RALYL: variants seen among roughly 807,000 people sequenced by gnomAD.
The protein encoded by RALYL is RNA-binding Raly-like protein.
RALYL carries 29 observed loss-of-function variants against 35.1 expected under a neutral mutation model. The ratio of observed to expected loss-of-function variants is 0.83; its 90% confidence interval spans 0.61 to 1.13. The LOEUF is 1.13. RALYL is among the 50% of genes most tolerant of loss of function. The probability of loss-of-function intolerance (pLI) is 0.00; values close to 1 mark genes in which losing one functional copy is unlikely to be tolerated. For missense variants in RALYL, 359 were observed against 360.4 expected, an observed-to-expected ratio of 1.00 and a Z score of 0.03; for synonymous variants, 120 against 127.6, an observed-to-expected ratio of 0.94 and a Z score of 0.40.
At chr8:84,665,115 T>C (rs1431227908) in intron 2 of RALYL, among the ~76,000 whole-genome samples, 1 of 152,186 alleles carries the variant, frequency 6.6e-6, no homozygotes, top group Non-Finnish European at 1.5e-5. Flanking sequence ...CCTGTTTATG[T>C]GATGAGTCAC....
At chr8:84,649,688 G>T (rs541425426) in intron 2 of RALYL, among the ~76,000 whole-genome samples, 2 of 152,220 alleles carry the variant, frequency 1.3e-5, no homozygotes, top group African/African-American at 4.8e-5. Flanking sequence ...CTGTAGCCTT[G>T]TAGTATAGTT....
chr8:84,409,089 T>A (rs1410956944), intron 1 of RALYL, among the ~76,000 whole-genome samples: 2 of 152,022 alleles, frequency 1.3e-5, no homozygotes, highest in Admixed American at 1.3e-4. Context: ...CCCAAGTGGG[T>A]AAATGACTAA....
intron 1 of RALYL, among the ~76,000 whole-genome samples, chr8:84,298,381 C>G (rs536852320): frequency 2.6e-4 from 40 of 152,056 alleles, no homozygotes; most frequent in African/African-American, 9.4e-4. Context: ...CTATTCGGTT[C>G]CATTGTCTAT....
At chr8:84,380,307 A>G (rs143290548) in intron 1 of RALYL, among the ~76,000 whole-genome samples, 3 of 152,004 alleles carry the variant, frequency 2.0e-5, no homozygotes, top group African/African-American at 7.2e-5. Context: ...TTGAAAAAAT[A>G]TATAATAGGC....
chr8:84,471,652 T>G (rs938915711), intron 1 of RALYL, among the ~76,000 whole-genome samples: 2 of 152,074 alleles, frequency 1.3e-5, no homozygotes, highest in Non-Finnish European at 2.9e-5. Flanking sequence ...TGTATGAAAA[T>G]AAACAAATAA....
At chr8:84,407,874 ACT>A (rs2043703937) in intron 1 of RALYL, among the ~76,000 whole-genome samples, 1 of 151,986 alleles carries the variant, frequency 6.6e-6, no homozygotes, top group South Asian at 2.1e-4. Flanking sequence ...ATTAAGGAAC[ACT>A]CTAATTATCA....
rs992655605 is a variant in RALYL, at chr8:84,921,078, T to A, written c.*167T>A. 88 of 433,116 alleles carry A rather than the reference T, an allele frequency of 2.0e-4. No homozygotes were observed. Among genetic ancestry groups the A allele is most frequent in the Middle Eastern group, 3.7e-4 (1 of 2,682 alleles). 26.8% of individuals were successfully genotyped at this position (433,116 alleles called of 1,614,324 possible). On this transcript the variant is annotated 3_prime_UTR_variant, in exon 9 of 9. Coordinates refer to ENST00000521268, the MANE Select transcript of RALYL (RefSeq NM_173848.7). ...GCTCAGTTTTAGAAATTCCATTTCT[T>A]CTATGTTTTAAGCTGTACAATTGTC... is the stretch of plus-strand genomic sequence containing the variant.
intron 2 of RALYL, among the ~76,000 whole-genome samples, chr8:84,642,034 AT>A (rs1826464068): frequency 6.6e-6 from 1 of 152,062 alleles, no homozygotes; most frequent in Non-Finnish European, 1.5e-5. Context: ...TTTGGACTTA[AT>A]TTATGAGTAC....
chr8:84,760,604 A>C (rs1237726416), intron 2 of RALYL, among the ~76,000 whole-genome samples: 1 of 152,122 alleles, frequency 6.6e-6, no homozygotes, highest in African/African-American at 2.4e-5. Context: ...AATTATTTAC[A>C]TTTTGTTTAC....
intron 4 of RALYL, among the ~76,000 whole-genome samples, chr8:84,837,658 A>G (rs1832289042): frequency 6.6e-6 from 1 of 152,238 alleles, no homozygotes; most frequent in East Asian, 1.9e-4. Context: ...ATCTTCAGTA[A>G]TAAAAGAAAC....
At chr8:84,768,036 A>G (rs958063888) in intron 2 of RALYL, among the ~76,000 whole-genome samples, 2 of 152,228 alleles carry the variant, frequency 1.3e-5, no homozygotes, top group Non-Finnish European at 2.9e-5. Context: ...CAAAGAAATA[A>G]CACCTTACTT....
intron 4 of RALYL, among the ~76,000 whole-genome samples, chr8:84,826,153 G>A (rs1050044459): frequency 3.3e-5 from 5 of 151,942 alleles, no homozygotes; most frequent in African/African-American, 4.8e-5. Flanking sequence ...AACTACTAGA[G>A]GGGGAAAGGG....
chr8:84,763,616 A>T (rs1253941986), intron 2 of RALYL, among the ~76,000 whole-genome samples: 1 of 152,168 alleles, frequency 6.6e-6, no homozygotes, highest in Non-Finnish European at 1.5e-5. Context: ...TCTTCTATTC[A>T]TTGGGTTTCT....
Position 84,249,161 on chromosome 8 carries a change from A to G in RALYL, c.-24+64737A>G, listed in dbSNP as rs76249651. On this transcript the variant is annotated intron_variant, in intron 1 of 8. Coordinates refer to ENST00000521268, the MANE Select transcript of RALYL (RefSeq NM_173848.7). ...TATTGAAAAATACAAAGGAGATGAT[A>G]TTCAAGAAACCCTAACGTCACAAAA... is the stretch of plus-strand genomic sequence containing the variant. 3.1e-3 allele frequency among the ~76,000 whole-genome samples: 472 copies of G among 152,262 alleles called. 2 individuals carry two copies. Among genetic ancestry groups the G allele is most frequent in the South Asian group, 6.6e-3 (32 of 4,822 alleles).
chr8:84,260,141 TTC>T (rs2131798571), intron 1 of RALYL, among the ~76,000 whole-genome samples: 1 of 152,322 alleles, frequency 6.6e-6, no homozygotes, highest in Non-Finnish European at 1.5e-5. Flanking sequence ...AACCGATTAT[TTC>T]TGATACTTTT....
chr8:84,775,513 C>T (rs891983526), intron 3 of RALYL, among the ~76,000 whole-genome samples: 3 of 152,148 alleles, frequency 2.0e-5, no homozygotes, highest in Non-Finnish European at 4.4e-5. Context: ...ACATGTTTCT[C>T]TCATGACCAT....
rs746446880 is a variant in RALYL, at chr8:84,774,612, G to A, written c.290G>A (p.Arg97Lys). 7 of 1,609,112 alleles carry A rather than the reference G, an allele frequency of 4.4e-6. No homozygotes were observed. Among genetic ancestry groups the A allele is most frequent in the Admixed American group, 1.7e-5 (1 of 59,492 alleles). Residue 97 changes from arginine to lysine, a missense_variant, in exon 3 of 9, where the codon AGA becomes AAA. Coordinates refer to ENST00000521268, the MANE Select transcript of RALYL (RefSeq NM_173848.7). ...ATGGCAGGAGAGCCCAAACCATACAGACCAAAACCTGGAAACAAGAGGCCC... is the reference window on the plus strand; with the variant it reads ...ATGGCAGGAGAGCCCAAACCATACAAACCAAAACCTGGAAACAAGAGGCCC... ...INMAGEPKPY[R>K]PKPGNKRPLS...
chr8:84,366,639 G>C (rs1303970915), intron 1 of RALYL, among the ~76,000 whole-genome samples: 5 of 151,724 alleles, frequency 3.3e-5, no homozygotes, highest in Non-Finnish European at 5.9e-5. Context: ...GTTGGATGTG[G>C]TGGCTTGTGC....
chr8:84,454,445 T>A (rs910188074), intron 1 of RALYL, among the ~76,000 whole-genome samples: 1 of 152,086 alleles, frequency 6.6e-6, no homozygotes, highest in African/African-American at 2.4e-5. Flanking sequence ...TAAGGATCAA[T>A]GAGTTTAAGT....
Sources: allele counts gnomAD v4.1 joint callset (sites outside exome capture counted in the v4.1 genomes callset), GRCh38; gene constraint gnomAD v4.1.1; transcripts MANE v1.5; gene names NCBI Gene and HGNC (gene_info 2026-07-23, HGNC 2026-07-21).